The following EXOC6 variants were observed in gnomAD, a reference collection of about 807,000 sequenced individuals.
EXOC6 encodes exocyst complex component 6.
In EXOC6, 60 loss-of-function variants were observed where a neutral mutation model predicts 112.5. The ratio of observed to expected loss-of-function variants is 0.53; its 90% CI spans 0.43 to 0.66. EXOC6 has a LOEUF of 0.66. Among genes scored for constraint, EXOC6 ranks in the 30% least tolerant of loss-of-function variants. The probability of loss-of-function intolerance (pLI) is 0.00; values close to 1 mark genes in which losing one functional copy is unlikely to be tolerated. For missense variants in EXOC6, 855 were observed against 957.1 expected (o/e 0.89, Z 1.41); for synonymous variants, 295 against 308.0 (o/e 0.96, Z 0.44).
chr10:92,961,026 A>G (rs1466106357), intron 17 of EXOC6, among the ~76,000 whole-genome samples: 1 of 152,202 alleles, frequency 6.6e-6, no homozygotes, highest in Non-Finnish European at 1.5e-5. Flanking sequence ...TGGGTAAAAT[A>G]TAATTTATTT....
chr10:93,032,113 T>C (rs1424359343), intron 20 of EXOC6, among the ~76,000 whole-genome samples: 1 of 152,182 alleles, frequency 6.6e-6, no homozygotes, highest in East Asian at 1.9e-4. Context: ...AGGAATTTGT[T>C]GTAACATAGA....
chr10:92,862,825 A>G (rs980591513), intron 1 of EXOC6, among the ~76,000 whole-genome samples: 1 of 152,230 alleles, frequency 6.6e-6, no homozygotes, highest in Non-Finnish European at 1.5e-5. Context: ...ATATGCTGCT[A>G]TGAACATTCA....
At chr10:92,888,508 C>T (rs1477788153) in intron 1 of EXOC6, among the ~76,000 whole-genome samples, 1 of 152,156 alleles carries the variant, frequency 6.6e-6, no homozygotes, top group African/African-American at 2.4e-5. Flanking sequence ...ACAGTATCTC[C>T]TTTATATCCA....
intron 9 of EXOC6, among the ~76,000 whole-genome samples, chr10:92,933,203 A>G (rs758874942): frequency 1.2e-4 from 18 of 152,168 alleles, no homozygotes; most frequent in Non-Finnish European, 2.4e-4. Context: ...TGCCACAACT[A>G]CAAGGAGAAA....
Position 92,895,021 on chromosome 10 carries a change from G to C in EXOC6, c.412+1G>C. On this transcript the variant is annotated splice_donor_variant, in intron 4 of 21. Transcript: ENST00000260762. LOFTEE classifies it high-confidence loss of function. Reference sequence around the variant, plus strand: ...GAAAAATTGCAGTTATGCCTTCCTGGTGAGTTAAACTTGTCTATAATAAAA... The same window carrying C: ...GAAAAATTGCAGTTATGCCTTCCTGCTGAGTTAAACTTGTCTATAATAAAA... 6.3e-7 allele frequency: 1 copy of C among 1,578,306 alleles called. No homozygotes were observed. The highest frequency in any genetic ancestry group is 8.7e-7 in the Non-Finnish European group (1 of 1,148,130).
intron 6 of EXOC6, 39 bp from the exon 7 acceptor site, chr10:92,915,719 A>C (rs1256960050): frequency 7.0e-7 from 1 of 1,421,684 alleles, no homozygotes. Context: ...GACCATAATC[A>C]GTTTTGAAAT....
At chr10:92,896,490 C>A (rs745451897) in intron 4 of EXOC6, among the ~76,000 whole-genome samples, 1 of 151,288 alleles carries the variant, frequency 6.6e-6, no homozygotes, top group Non-Finnish European at 1.5e-5. Context: ...AGCCACTGCA[C>A]CCGCTATATG....
chr10:93,007,528 C>T (rs757516255), intron 19 of EXOC6, among the ~76,000 whole-genome samples: 23 of 152,174 alleles, frequency 1.5e-4, no homozygotes, highest in Admixed American at 3.3e-4. Flanking sequence ...TGGCACATGC[C>T]TATAATCCCA....
intron 17 of EXOC6, among the ~76,000 whole-genome samples, chr10:92,964,731 C>A (rs115717095): frequency 0.014 from 2,180 of 152,218 alleles, 53 homozygotes; most frequent in African/African-American, 0.05. Flanking sequence ...AAATTATTGG[C>A]CAGTGACACT....
upstream of EXOC6, chr10:92,848,415 C>A: frequency 2.4e-6 from 2 of 843,288 alleles, no homozygotes; most frequent in Non-Finnish European, 2.9e-6. Context: ...CGCGCGCCCC[C>A]GCGCCGCCGG....
At chr10:93,034,327 C>T (rs1278723494) in intron 20 of EXOC6, among the ~76,000 whole-genome samples, 1 of 152,162 alleles carries the variant, frequency 6.6e-6, no homozygotes, top group East Asian at 1.9e-4. Context: ...ACCAGTCTTG[C>T]TTGAAAAGGG....
intron 20 of EXOC6, among the ~76,000 whole-genome samples, chr10:93,029,175 T>C (rs1184044734): frequency 1.3e-5 from 2 of 152,220 alleles, no homozygotes; most frequent in Non-Finnish European, 2.9e-5. Flanking sequence ...AGCATTTTTT[T>C]TGTAGTAAAG....
intron 15 of EXOC6, among the ~76,000 whole-genome samples, chr10:92,953,178 A>G (rs1853514388): frequency 6.6e-6 from 1 of 152,110 alleles, no homozygotes; most frequent in Admixed American, 6.6e-5. Flanking sequence ...TCCTGGGCTC[A>G]AGTGATCCTT....
chr10:92,928,643 G>A (rs542074096), intron 9 of EXOC6, among the ~76,000 whole-genome samples: 3 of 145,222 alleles, frequency 2.1e-5, no homozygotes, highest in East Asian at 2.0e-4. Flanking sequence ...GATAGACAGC[G>A]AATTTAAAAA....
intron 18 of EXOC6, among the ~76,000 whole-genome samples, chr10:92,980,805 A>C (rs1018042158): frequency 8.5e-5 from 13 of 152,192 alleles, no homozygotes; most frequent in Non-Finnish European, 1.6e-4. Context: ...TTTTTCTGAC[A>C]ATTAGAAAAT....
At chr10:92,905,626 T>C (rs928015881) in intron 5 of EXOC6, among the ~76,000 whole-genome samples, 4 of 152,050 alleles carry the variant, frequency 2.6e-5, no homozygotes, top group African/African-American at 9.7e-5. Context: ...TGACTAGGAA[T>C]GGTGAGAGGG....
chr10:92,875,859 C>T (rs1848666921), intron 1 of EXOC6, among the ~76,000 whole-genome samples: 1 of 151,566 alleles, frequency 6.6e-6, no homozygotes, highest in South Asian at 2.1e-4. Flanking sequence ...AATTTTCATC[C>T]CTTTTTTATC....
At position 93,038,081 on chromosome 10, in the gene EXOC6, A is replaced by C. The variant is rs941340406; in HGVS notation, c.2170-18843A>C. Reference sequence around the variant, plus strand: ...AAAAAAAAAAATTTTTCTCTAATAAATTTTTTTTGTTGACTGGAAATTTTT... The same window carrying C: ...AAAAAAAAAAATTTTTCTCTAATAACTTTTTTTTGTTGACTGGAAATTTTT... On this transcript the variant is annotated intron_variant, in intron 20 of 21. Transcript: ENST00000260762. Among the ~76,000 whole-genome samples, 3 of 148,028 alleles carry C rather than the reference A, an allele frequency of 2.0e-5. No individual in the cohort carries two copies. In the South Asian group the frequency reaches 6.3e-4, roughly 31 times the overall value.
chr10:92,967,228 A>AT (rs1231247397), intron 17 of EXOC6, among the ~76,000 whole-genome samples: 37 of 151,846 alleles, frequency 2.4e-4, no homozygotes, highest in African/African-American at 8.9e-4. Flanking sequence ...ATTTTCTCCC[A>AT]TTTGTAGGTT....
Sources: allele counts gnomAD v4.1 joint callset (sites outside exome capture counted in the v4.1 genomes callset), GRCh38; gene constraint gnomAD v4.1.1; transcripts MANE v1.5; gene names NCBI Gene and HGNC (gene_info 2026-07-23, HGNC 2026-07-21).